Variants in CFAP410 observed in about 807,000 individuals in gnomAD.
The protein encoded by CFAP410 is cilia and flagella associated protein 410.
Under a neutral mutation model 25.7 loss-of-function variants are expected in CFAP410, and 27 were observed. The observed-to-expected ratio is 1.05, with a 90% CI of 0.77 to 1.45. The LOEUF is 1.45. Ranked by LOEUF, CFAP410 falls within the 40% of genes most tolerant of loss-of-function variation. CFAP410 has a pLI of 0.00. For synonymous variants in CFAP410, 178 were observed against 158.4 expected, an observed-to-expected ratio of 1.12 and a Z score of -0.93; for missense variants, 428 against 354.1, an observed-to-expected ratio of 1.21 and a Z score of -1.67.
chr21:44,332,974 G>C (rs1021869493), intron 4 of CFAP410, 59 bp downstream of exon 4: 3 of 1,148,142 alleles, frequency 2.6e-6, no homozygotes, highest in Non-Finnish European at 3.8e-6. Flanking sequence ...AGAGGGCTGG[G>C]GACATCCCCT....
intron 3 of CFAP410, 45 bp downstream of exon 3, chr21:44,335,713 C>T (rs142252957): frequency 1.0e-4 from 151 of 1,510,958 alleles, no homozygotes; most frequent in East Asian, 6.8e-4. Context: ...GGCTCTGCCC[C>T]GGCTTCCAGG....
At chr21:44,330,471 T>A in intron 6 of CFAP410, 145 bp from the exon 7 acceptor site, 10 of 1,532,026 alleles carry the variant, frequency 6.5e-6, no homozygotes, top group Non-Finnish European at 8.8e-6. Context: ...ACCGGCACAC[T>A]CGGAGAATCT....
rs1002651721 is a variant in CFAP410, at chr21:44,329,036, G to A, written c.*1162C>T. The A allele has an allele frequency of 1.3e-5, 2 of 152,568 alleles. No individual in the cohort carries two copies. Among genetic ancestry groups the A allele is most frequent in the African/African-American group, 2.4e-5 (1 of 41,466 alleles). 9.5% of individuals were successfully genotyped at this position (152,568 alleles called of 1,614,324 possible). On this transcript the variant is annotated 3_prime_UTR_variant, in exon 7 of 7. Coordinates refer to ENST00000339818, the MANE Select transcript of CFAP410 (RefSeq NM_004928.3). ...GAACTGTCCACCCTCTATGTCCCGA[G>A]TGGTGACTCCACTCCCCACTGCTCA...
At chr21:44,334,548 C>T (rs1178384358) in intron 3 of CFAP410, 1 of 317,844 alleles carries the variant, frequency 3.1e-6, no homozygotes, top group Non-Finnish European at 6.1e-6. Context: ...AACCTCTGGG[C>T]GGGCACGCGC....
chr21:44,330,432 C>T, intron 6 of CFAP410, 106 bp from the exon 7 acceptor site: 3 of 1,551,216 alleles, frequency 1.9e-6, no homozygotes, highest in Non-Finnish European at 2.6e-6. Flanking sequence ...AGCGACTGGT[C>T]CCGGGGGTGT....
Position 44,331,997 on chromosome 21 carries a change from G to A in CFAP410, c.391C>T (p.Leu131=), listed in dbSNP as rs146572662. The A allele has an allele frequency of 3.5e-5, 56 of 1,603,220 alleles. No individual in the cohort carries two copies. The highest frequency in any genetic ancestry group is 4.5e-5 in the Non-Finnish European group (53 of 1,174,872). The change falls in exon 5 of 7, where the codon CTG becomes TTG. Residue 131 remains leucine (L), a synonymous_variant. Transcript: ENST00000339818. ...TCTCCCTCACTCAGTGCACGGGACA[G>A]CTCCTCCTCCGTCACAGCTTTGGGA... ...LDNQAVTEEE[L]SRALSEGEEI...
At chr21:44,332,988 A>G (rs1182709190) in intron 4 of CFAP410, 45 bp downstream of exon 4, 3 of 1,312,174 alleles carry the variant, frequency 2.3e-6, no homozygotes, top group Middle Eastern at 3.7e-4. Context: ...ATCCCCTTCC[A>G]GGGATTGTTT....
At position 44,330,187 on chromosome 21, in the gene CFAP410, A is replaced by G; in HGVS notation, c.*11T>C. The stretch of plus-strand genomic sequence containing the variant: ...CCCCGTGGAGGCTGGAGCGGCGTTC[A>G]GGTCCTGCGGTCACTCGGCGTGCTC... On this transcript the variant is annotated 3_prime_UTR_variant, in exon 7 of 7. Transcript: ENST00000339818. 1.3e-6 allele frequency: 2 copies of G among 1,555,610 alleles called. No homozygotes were observed. The highest frequency in any genetic ancestry group is 1.9e-5 in the Admixed American group (1 of 53,190).
intron 2 of CFAP410, 101 bp downstream of exon 2, chr21:44,337,548 T>C (rs908835721): frequency 3.8e-6 from 4 of 1,063,490 alleles, no homozygotes; most frequent in African/African-American, 3.2e-5. Flanking sequence ...GGTGCAGTTT[T>C]GTCAACTTAA....
rs2047737003 is a variant in CFAP410, at chr21:44,335,634, G to T, written c.143+124C>A. 4 of 749,490 alleles carry T rather than the reference G, an allele frequency of 5.3e-6. No homozygotes were observed. In the African/African-American group the frequency reaches 7.0e-5, roughly 13 times the overall value. The allele number at this position is 749,490 out of a possible 1,614,324, so 46.4% of individuals were successfully genotyped here. On this transcript the variant is annotated intron_variant, in intron 3 of 6. Transcript: ENST00000339818. ...TGTCCCGGCCCCTCCCCTTCTGGAA[G>T]CCGCCCTCAGTCTGTGTTGGAGGTT...
Position 44,339,285 on chromosome 21 carries a change from C to T in CFAP410, c.-91G>A, listed in dbSNP as rs2047825012. On this transcript the variant is annotated 5_prime_UTR_variant, in exon 1 of 7. Coordinates refer to ENST00000339818, the MANE Select transcript of CFAP410 (RefSeq NM_004928.3). The stretch of plus-strand genomic sequence containing the variant: ...GCGGCGCGTGTCTCCAGGGGCGGGG[C>T]CCGCGTCGTCAGGGGCGGATCCTGA... 1 of 800,018 alleles carries T rather than the reference C, an allele frequency of 1.2e-6. No homozygotes were observed. Among genetic ancestry groups the T allele is most frequent in the Non-Finnish European group, 1.8e-6 (1 of 559,044 alleles). 49.6% of individuals were successfully genotyped at this position (800,018 alleles called of 1,614,324 possible).
At chr21:44,335,979 C>T (rs1344389547) in intron 2 of CFAP410, 175 bp from the exon 3 acceptor site, 2 of 555,792 alleles carry the variant, frequency 3.6e-6, no homozygotes, top group Admixed American at 3.2e-5. Flanking sequence ...AGGGGAGCGG[C>T]CCTGCTCAGC....
chr21:44,330,149 A>G lies in CFAP410; in HGVS notation c.*49T>C, dbSNP rs753781658. On this transcript the variant is annotated 3_prime_UTR_variant, in exon 7 of 7. Transcript: ENST00000339818. ...ACCCTCCAGCTCCCGGGGGCTGGGG[A>G]AGACGCTGGGGTCCCCGTGGAGGCT... 2.0e-6 allele frequency: 3 copies of G among 1,532,880 alleles called. No homozygotes were observed. The South Asian group carries it at 3.6e-5, about 18-fold the overall frequency. The allele number at this position is 1,532,880 out of a possible 1,614,324, so 95.0% of individuals were successfully genotyped here.
At chr21:44,332,155 C>T in intron 4 of CFAP410, 141 bp from the exon 5 acceptor site, 2 of 645,420 alleles carry the variant, frequency 3.1e-6, no homozygotes, top group Non-Finnish European at 2.5e-6. Flanking sequence ...CCAGGGACAA[C>T]TCCCAGAGTA....
chr21:44,333,533 G>A (rs536630584), intron 3 of CFAP410: 20 of 554,556 alleles, frequency 3.6e-5, no homozygotes, highest in South Asian at 2.5e-4. Flanking sequence ...TCCTCAGGGC[G>A]CTAGAGTGCG....
chr21:44,338,350 A>AC, intron 1 of CFAP410: 1 of 1,281,438 alleles, frequency 7.8e-7, no homozygotes, highest in African/African-American at 1.5e-5. Context: ...TCCCCAGGGA[A>AC]CCCTGGAGAT....
intron 2 of CFAP410, among the ~76,000 whole-genome samples, chr21:44,336,639 T>C (rs1473288516): frequency 2.0e-5 from 3 of 152,360 alleles, no homozygotes; most frequent in Admixed American, 6.5e-5. Context: ...CTCGTGTCTA[T>C]GGACATGGTA....
In CFAP410 at chr21:44,331,983, CAG is replaced by C; in HGVS notation, c.403_404del (p.Leu135GlufsTer2). 6.2e-7 allele frequency: 1 copy of C among 1,612,800 alleles called. No homozygotes were observed. The highest frequency in any genetic ancestry group is 8.5e-7 in the Non-Finnish European group (1 of 1,179,522). On this transcript the variant is annotated frameshift_variant, in exon 5 of 7. Coordinates refer to ENST00000339818, the MANE Select transcript of CFAP410 (RefSeq NM_004928.3). LOFTEE classifies it high-confidence loss of function. ...AVTEEELSRA[L>X]SEGEEITAAP... ...CCGCAGTGATCTCCTCTCCCTCACT[CAG>C]TGCACGGGACAGCTCCTCCTCCGTC... is the stretch of plus-strand genomic sequence containing the variant.
At position 44,330,936 on chromosome 21, in the gene CFAP410, G is replaced by T. The variant is rs1246750445; in HGVS notation, c.546-17C>A. ...GCGCCGCTGCTGAGAGGGAGACAAAGGCGTGTGAGGGTCAGGGGGCTCGTG... is the reference window on the plus strand; with the variant it reads ...GCGCCGCTGCTGAGAGGGAGACAAATGCGTGTGAGGGTCAGGGGGCTCGTG... On this transcript the variant is annotated splice_polypyrimidine_tract_variant and intron_variant, in intron 5 of 6. Coordinates refer to ENST00000339818, the MANE Select transcript of CFAP410 (RefSeq NM_004928.3). 1 of 1,565,424 alleles carries T rather than the reference G, an allele frequency of 6.4e-7. No individual in the cohort carries two copies. The highest frequency in any genetic ancestry group is 8.7e-7 in the Non-Finnish European group (1 of 1,150,888).
Sources: gnomAD v4.1 joint callset for allele counts (sites outside exome capture counted in the v4.1 genomes callset) on GRCh38, gnomAD v4.1.1 for gene constraint, MANE v1.5 for transcripts, NCBI Gene and HGNC (gene_info 2026-07-23, HGNC 2026-07-21) for gene names.